MACROD1: variants seen among roughly 807,000 people sequenced by gnomAD.
The protein encoded by MACROD1 is mono-ADP ribosylhydrolase 1.
Under a neutral mutation model 41.4 loss-of-function variants are expected in MACROD1, and 31 were observed. That is an observed-to-expected ratio of 0.75 (90% CI 0.56 to 1.01). The LOEUF (loss-of-function observed/expected upper bound fraction) is 1.01, where lower values mean the gene tolerates loss of function less well. Ranked by LOEUF, MACROD1 falls within the 50% of genes least tolerant of loss-of-function variation. The pLI, the probability that MACROD1 is intolerant of heterozygous loss-of-function variation, is 0.00. For synonymous variants in MACROD1, 252 were observed against 203.4 expected, an observed-to-expected ratio of 1.24 and a Z score of -2.03; for missense variants, 473 against 460.0, an observed-to-expected ratio of 1.03 and a Z score of -0.26.
intron 4 of MACROD1, chr11:64,009,194 G>A (rs1238272632): frequency 3.3e-5 from 5 of 152,104 alleles, no homozygotes; most frequent in Admixed American, 3.3e-4. Flanking sequence ...TTCCCATCCT[G>A]ATTTAGGACC....
At chr11:64,131,483 C>T (rs1054237268) in intron 3 of MACROD1, among the ~76,000 whole-genome samples, 6 of 152,188 alleles carry the variant, frequency 3.9e-5, no homozygotes, top group Non-Finnish European at 7.3e-5. Flanking sequence ...TGTGCTACCA[C>T]GCCCAGCTAA....
intron 3 of MACROD1, among the ~76,000 whole-genome samples, chr11:64,020,461 T>C (rs1280539493): frequency 6.6e-6 from 1 of 152,072 alleles, no homozygotes; most frequent in African/African-American, 2.4e-5. Context: ...CCTTTGCTCT[T>C]AGGATAAAGA....
At chr11:64,031,693 G>T (rs1473367693) in intron 3 of MACROD1, among the ~76,000 whole-genome samples, 1 of 152,122 alleles carries the variant, frequency 6.6e-6, no homozygotes, top group African/African-American at 2.4e-5. Flanking sequence ...GGCCAGGCTG[G>T]TCACGAATGG....
intron 3 of MACROD1, among the ~76,000 whole-genome samples, chr11:64,092,864 A>T (rs1944513650): frequency 6.6e-6 from 1 of 152,260 alleles, no homozygotes; most frequent in Non-Finnish European, 1.5e-5. Flanking sequence ...AGACAAAGTC[A>T]ATGGGTAACC....
intron 4 of MACROD1, chr11:64,001,220 C>T (rs1308162628): frequency 6.8e-6 from 4 of 591,506 alleles, no homozygotes; most frequent in South Asian, 4.0e-5. Context: ...GGGTCCAGCC[C>T]GGGCTCACCC....
intron 3 of MACROD1, among the ~76,000 whole-genome samples, chr11:64,145,323 TA>T (rs765840101): frequency 2.6e-5 from 4 of 151,994 alleles, no homozygotes; most frequent in Non-Finnish European, 4.4e-5. Context: ...CTTGCAGAAT[TA>T]ATTGGTCCCT....
In MACROD1 at chr11:64,165,797, C is replaced by CT. The variant is rs1353932258; in HGVS notation, c.197_198insA (p.Ala67GlyfsTer41). 3.4e-6 allele frequency: 5 copies of CT among 1,479,884 alleles called. No individual in the cohort carries two copies. Among genetic ancestry groups the CT allele is most frequent in the Non-Finnish European group, 4.5e-6 (5 of 1,117,948 alleles). The allele number at this position is 1,479,884 out of a possible 1,614,324, so 91.7% of individuals were successfully genotyped here. On this transcript the variant is annotated frameshift_variant, in exon 1 of 11. Transcript: ENST00000255681. LOFTEE classifies it high-confidence loss of function. ...CCCCGGCTGTCCGCCCCACCGCCGC[C>CT]GCCCCCCACGCCCCAACTCCCGCCG... is the stretch of plus-strand genomic sequence containing the variant.
At chr11:64,083,533 C>T (rs974012006) in intron 3 of MACROD1, among the ~76,000 whole-genome samples, 2 of 152,248 alleles carry the variant, frequency 1.3e-5, no homozygotes, top group Non-Finnish European at 2.9e-5. Context: ...CCGTCTCCCT[C>T]CCTCCTCTTG....
intron 3 of MACROD1, among the ~76,000 whole-genome samples, chr11:64,101,813 G>C (rs1467193843): frequency 1.3e-5 from 2 of 152,112 alleles, no homozygotes; most frequent in Non-Finnish European, 2.9e-5. Context: ...ATTCAGAATC[G>C]ATGTCCCGTG....
intron 3 of MACROD1, among the ~76,000 whole-genome samples, chr11:64,101,152 A>G (rs1330172705): frequency 6.6e-6 from 1 of 151,914 alleles, no homozygotes; most frequent in African/African-American, 2.4e-5. Flanking sequence ...GGAGGGAGGG[A>G]TGACGTCTGC....
rs1944572064 is a variant in MACROD1, at chr11:64,096,115, G to A, written c.517+55124C>T. On this transcript the variant is annotated intron_variant, in intron 3 of 10. Transcript: ENST00000255681. The surrounding 1 kb of genome is among the most constrained non-coding windows in gnomAD (Gnocchi z 4.6). ...CAGCCAGGCTGCCAGGAGACGCTGT[G>A]AGAGTGCCCAGACCCTGGAGGCCAG... Among the ~76,000 whole-genome samples the A allele has an allele frequency of 6.6e-6, 1 of 152,246 alleles. No individual in the cohort carries two copies. Among genetic ancestry groups the A allele is most frequent in the Non-Finnish European group, 1.5e-5 (1 of 68,034 alleles).
chr11:64,118,282 C>A, intron 3 of MACROD1: 1 of 1,568,444 alleles, frequency 6.4e-7, no homozygotes, highest in Non-Finnish European at 8.7e-7. Flanking sequence ...ATAGACTACT[C>A]CTACACATGA....
chr11:64,033,235 C>T (rs1385060083), intron 3 of MACROD1, among the ~76,000 whole-genome samples: 3 of 152,188 alleles, frequency 2.0e-5, no homozygotes, highest in African/African-American at 4.8e-5. Flanking sequence ...CAGCAGGGCC[C>T]GATTCACTTC....
chr11:64,151,592 C>T (rs1194693998), intron 2 of MACROD1, among the ~76,000 whole-genome samples: 1 of 152,178 alleles, frequency 6.6e-6, no homozygotes, highest in East Asian at 1.9e-4. Context: ...AGGTACAGTG[C>T]CAATATCATC....
rs916629795 is a variant in MACROD1 at position 63,998,643 on chromosome 11, C to T, written c.*75G>A. ...GGCCAGGCCCAGGCCAGGCTGCAGG[C>T]TTTGGCGACCTCTCAGAGCTGGGAG... On this transcript the variant is annotated 3_prime_UTR_variant, in exon 11 of 11. Coordinates refer to ENST00000255681, the MANE Select transcript of MACROD1 (RefSeq NM_014067.4). The T allele has an allele frequency of 7.6e-7, 1 of 1,310,918 alleles. No homozygotes were observed. The highest frequency in any genetic ancestry group is 9.7e-7 in the Non-Finnish European group (1 of 1,033,016). The allele number at this position is 1,310,918 out of a possible 1,614,324, so 81.2% of individuals were successfully genotyped here.
intron 3 of MACROD1, among the ~76,000 whole-genome samples, chr11:64,077,668 C>T (rs1482456627): frequency 6.6e-6 from 1 of 152,194 alleles, no homozygotes; most frequent in African/African-American, 2.4e-5. Flanking sequence ...GGCACACCCC[C>T]ACCTGCCGTG....
At chr11:64,116,549 C>T (rs752481356) in intron 3 of MACROD1, 4 of 1,614,090 alleles carry the variant, frequency 2.5e-6, no homozygotes, top group Middle Eastern at 1.6e-4. Context: ...ACCAGATCAA[C>T]AACGCCGGCA....
intron 3 of MACROD1, among the ~76,000 whole-genome samples, chr11:64,133,167 G>GC (rs919547854): frequency 6.6e-6 from 1 of 152,202 alleles, no homozygotes; most frequent in African/African-American, 2.4e-5. Flanking sequence ...GATGCACGGA[G>GC]CCCCCACGCT....
chr11:64,067,000 T>C (rs774153174), intron 3 of MACROD1, among the ~76,000 whole-genome samples: 15 of 152,192 alleles, frequency 9.9e-5, no homozygotes, highest in Non-Finnish European at 1.6e-4. Context: ...GCCTCTGCCC[T>C]CACGCTAGGC....
Sources: allele counts gnomAD v4.1 joint callset (sites outside exome capture counted in the v4.1 genomes callset), GRCh38; gene constraint gnomAD v4.1.1; non-coding constraint Gnocchi (gnomAD v3.1); transcripts MANE v1.5; gene names NCBI Gene and HGNC (gene_info 2026-07-23, HGNC 2026-07-21).